The following EPHA6 variants were observed in gnomAD, a reference collection of about 807,000 sequenced individuals.
The protein encoded by EPHA6 is ephrin type-A receptor 6.
EPHA6 carries 50 observed loss-of-function variants against 112.0 expected under a neutral mutation model. That is an observed-to-expected ratio of 0.45 (90% CI 0.36 to 0.56). EPHA6 has a LOEUF of 0.56. Among genes scored for constraint, EPHA6 ranks in the 20% least tolerant of loss-of-function variants. The pLI is 0.00. For missense variants in EPHA6, 1,280 were observed against 1,417.4 expected, an observed-to-expected ratio of 0.90 and a Z score of 1.56; for synonymous variants, 529 against 490.7, an observed-to-expected ratio of 1.08 and a Z score of -1.03.
At chr3:96,913,819 T>G (rs2107609766) in intron 2 of EPHA6, among the ~76,000 whole-genome samples, 1 of 152,300 alleles carries the variant, frequency 6.6e-6, no homozygotes, top group Admixed American at 6.5e-5. Context: ...AAATCACTAT[T>G]GATTTTAACC....
intron 3 of EPHA6, among the ~76,000 whole-genome samples, chr3:97,020,297 A>C (rs1309241804): frequency 4.6e-5 from 7 of 152,202 alleles, no homozygotes; most frequent in Non-Finnish European, 1.0e-4. Context: ...AAAAATATAG[A>C]TATATGCGGA....
At chr3:97,358,648 GA>G (rs1436355127) in intron 5 of EPHA6, among the ~76,000 whole-genome samples, 51 of 151,734 alleles carry the variant, frequency 3.4e-4, no homozygotes, top group African/African-American at 1.1e-3. Flanking sequence ...CTTTTATTGA[GA>G]TTTTTTTTTT....
At chr3:97,018,976 A>G (rs574243392) in intron 3 of EPHA6, among the ~76,000 whole-genome samples, 31 of 152,180 alleles carry the variant, frequency 2.0e-4, no homozygotes, top group Non-Finnish European at 4.0e-4. Context: ...GAAGGCTCAC[A>G]CTGTCTTCTG....
chr3:97,422,779 G>C (rs532403760), intron 6 of EPHA6, among the ~76,000 whole-genome samples: 1 of 152,232 alleles, frequency 6.6e-6, no homozygotes, highest in African/African-American at 2.4e-5. Context: ...CATTAGCAGA[G>C]CAAACAAGTA....
chr3:97,393,995 A>G (rs1017170422), intron 5 of EPHA6, among the ~76,000 whole-genome samples: 2 of 151,796 alleles, frequency 1.3e-5, no homozygotes, highest in East Asian at 3.9e-4. Context: ...AGGTTGATTC[A>G]GTCTCTTGGC....
chr3:97,323,351 A>G (rs999278724), intron 5 of EPHA6, among the ~76,000 whole-genome samples: 3 of 151,958 alleles, frequency 2.0e-5, no homozygotes, highest in African/African-American at 7.3e-5. Flanking sequence ...TATAAGAGAA[A>G]AAACTAAATA....
intron 5 of EPHA6, among the ~76,000 whole-genome samples, chr3:97,245,768 T>C (rs1255377901): frequency 6.6e-6 from 1 of 151,846 alleles, no homozygotes; most frequent in Non-Finnish European, 1.5e-5. Context: ...ACTGTGATGA[T>C]AGTTGTATAT....
At position 97,759,618 on chromosome 3, in the gene EPHA6, A is replaced by C. The variant is rs1321647766; in HGVS notation, c.*10917A>C. ...GTTAATTTTTGATAGGTGCCGGAAT[A>C]TAGAACTCCAATGAAAGGAAGGCAG... On this transcript the variant is annotated 3_prime_UTR_variant, in exon 18 of 18. Transcript: ENST00000389672. 1 of 230,450 alleles carries C rather than the reference A, an allele frequency of 4.3e-6. No individual in the cohort carries two copies. Among genetic ancestry groups the C allele is most frequent in the Non-Finnish European group, 8.6e-6 (1 of 116,300 alleles). The allele number at this position is 230,450 out of a possible 1,614,324, so 14.3% of individuals were successfully genotyped here. A position where few individuals can be genotyped will look rare whatever the true frequency, so the allele number is the denominator to read the frequency against.
Position 97,548,207 on chromosome 3 carries a change from C to T in EPHA6, c.2386+15664C>T, listed in dbSNP as rs574487604. On this transcript the variant is annotated intron_variant, in intron 11 of 17. Transcript: ENST00000389672. The stretch of plus-strand genomic sequence containing the variant: ...CTGTTCGTATTCGGCCATCTTGGCT[C>T]CTCCTGGGTGTGTCTTGTTTTCTAA... Among the ~76,000 whole-genome samples, 289 of 152,214 alleles carry T rather than the reference C, an allele frequency of 1.9e-3. 3 individuals carry two copies. Among genetic ancestry groups the T allele is most frequent in the African/African-American group, 6.8e-3 (281 of 41,544 alleles).
At chr3:97,672,564 C>A (rs1021174660) in intron 14 of EPHA6, among the ~76,000 whole-genome samples, 1 of 151,760 alleles carries the variant, frequency 6.6e-6, no homozygotes, top group African/African-American at 2.4e-5. Context: ...TAGCAAAATG[C>A]ATGATGAAGA....
chr3:97,452,310 C>T (rs924846743), intron 7 of EPHA6, among the ~76,000 whole-genome samples: 12 of 151,684 alleles, frequency 7.9e-5, no homozygotes, highest in South Asian at 2.1e-4. Context: ...TCCCCTCTAC[C>T]GAAATCTATA....
chr3:96,842,180 A>G (rs1281136969), intron 1 of EPHA6, among the ~76,000 whole-genome samples: 2 of 152,242 alleles, frequency 1.3e-5, no homozygotes, highest in Middle Eastern at 3.4e-3. Flanking sequence ...CGGTATGAAA[A>G]TGTCATATCT....
At chr3:97,292,095 C>T (rs2080706319) in intron 5 of EPHA6, among the ~76,000 whole-genome samples, 2 of 152,234 alleles carry the variant, frequency 1.3e-5, no homozygotes, top group South Asian at 2.1e-4. Context: ...CAAGCACCAG[C>T]TTTGTGTGAG....
chr3:96,908,831 T>C (rs1420996986), intron 2 of EPHA6, among the ~76,000 whole-genome samples: 2 of 152,010 alleles, frequency 1.3e-5, no homozygotes. Flanking sequence ...CAAAGCTATC[T>C]GGACTTATTC....
chr3:97,505,417 T>C (rs2092224062), intron 10 of EPHA6, among the ~76,000 whole-genome samples: 1 of 149,748 alleles, frequency 6.7e-6, no homozygotes, highest in South Asian at 2.2e-4. Context: ...CAACTCCCAC[T>C]TATGAGTGAG....
At chr3:97,405,370 C>T (rs1021801633) in intron 6 of EPHA6, 96 bp downstream of exon 6, 1 of 1,127,914 alleles carries the variant, frequency 8.9e-7, no homozygotes, top group Non-Finnish European at 1.2e-6. Flanking sequence ...TTATTTTAAA[C>T]CCTGTTCTTC....
At chr3:97,542,695 G>C (rs937424609) in intron 11 of EPHA6, among the ~76,000 whole-genome samples, 10 of 152,210 alleles carry the variant, frequency 6.6e-5, no homozygotes, top group African/African-American at 1.7e-4. Context: ...GGTTGAACTA[G>C]TTTACAGTCC....
At chr3:96,890,204 A>G in intron 2 of EPHA6, among the ~76,000 whole-genome samples, 1 of 152,154 alleles carries the variant, frequency 6.6e-6, no homozygotes, top group Non-Finnish European at 1.5e-5. Context: ...AAAAGAAACC[A>G]GTAAGAACAG....
chr3:97,051,431 A>T (rs1023511259), intron 3 of EPHA6, among the ~76,000 whole-genome samples: 4 of 152,172 alleles, frequency 2.6e-5, no homozygotes, highest in African/African-American at 9.7e-5. Flanking sequence ...AGGTAAAAAT[A>T]TAAAAAATAA....
Sources: allele counts gnomAD v4.1 joint callset (sites outside exome capture counted in the v4.1 genomes callset), GRCh38; gene constraint gnomAD v4.1.1; transcripts MANE v1.5; gene names NCBI Gene and HGNC (gene_info 2026-07-23, HGNC 2026-07-21).